LRTM1: variants seen among roughly 807,000 people sequenced by gnomAD.
LRTM1 encodes the protein leucine rich repeat transmembrane protein 1, also known as leucine-rich repeat and transmembrane domain-containing protein 1.
A neutral mutation model predicts 32.4 loss-of-function variants in LRTM1; 38 were observed. The observed-to-expected ratio is 1.17, with a 90% confidence interval of 0.91 to 1.54. LRTM1 has a LOEUF of 1.54. LRTM1 is among the 40% of genes most tolerant of loss of function. LRTM1 has a pLI of 0.00. For missense variants in LRTM1, 466 were observed against 415.4 expected (o/e 1.12, Z -1.06); for synonymous variants, 186 against 169.9 (o/e 1.09, Z -0.74).
chr3:54,948,515 A>T (rs1701672892), intron 1 of LRTM1, among the ~76,000 whole-genome samples: 1 of 151,332 alleles, frequency 6.6e-6, no homozygotes, highest in South Asian at 2.1e-4. Flanking sequence ...ATCTTCCTGC[A>T]GTGGTTTCAC....
chr3:54,965,628 C>A (rs1702130485), intron 1 of LRTM1, among the ~76,000 whole-genome samples: 1 of 152,104 alleles, frequency 6.6e-6, no homozygotes, highest in Non-Finnish European at 1.5e-5. Flanking sequence ...TGAAGTTGAT[C>A]CATCAATGAA....
intron 2 of LRTM1, among the ~76,000 whole-genome samples, chr3:54,924,229 A>G (rs1185491617): frequency 6.6e-6 from 1 of 152,208 alleles, no homozygotes; most frequent in African/African-American, 2.4e-5. Flanking sequence ...AGAGAAAAAT[A>G]TCCCAGAGAG....
chr3:54,944,187 A>T (rs1480784976), intron 1 of LRTM1, among the ~76,000 whole-genome samples: 1 of 152,094 alleles, frequency 6.6e-6, no homozygotes, highest in East Asian at 1.9e-4. Context: ...TTATGCCAGG[A>T]TGCTGTGAGT....
Position 54,927,904 on chromosome 3 carries a change from C to G in LRTM1, c.7+1G>C. 1 of 1,613,726 alleles carries G rather than the reference C, an allele frequency of 6.2e-7. No individual in the cohort carries two copies. The highest frequency in any genetic ancestry group is 1.1e-5 in the South Asian group (1 of 91,056). On this transcript the variant is annotated splice_donor_variant, in intron 1 of 2. Coordinates refer to ENST00000273286, the MANE Select transcript of LRTM1 (RefSeq NM_020678.4). LOFTEE classifies it high-confidence loss of function. Reference sequence around the variant, plus strand: ...TCCAACGGGAATTGATCAGGGCTCACCTTTCATGACTGAGTCTCCTTGGGC... The same window carrying G: ...TCCAACGGGAATTGATCAGGGCTCAGCTTTCATGACTGAGTCTCCTTGGGC...
At chr3:54,923,582 T>C (rs1046390286) in intron 2 of LRTM1, among the ~76,000 whole-genome samples, 1 of 152,244 alleles carries the variant, frequency 6.6e-6, no homozygotes, top group Non-Finnish European at 1.5e-5. Context: ...CATCTGTTTC[T>C]ACTACCAGAA....
intron 1 of LRTM1, among the ~76,000 whole-genome samples, chr3:54,949,123 G>T (rs1020947854): frequency 6.6e-6 from 1 of 152,190 alleles, no homozygotes; most frequent in Admixed American, 6.5e-5. Context: ...TCAGTGGAAA[G>T]AAACCCCCTC....
chr3:54,945,969 A>G (rs1191107057), intron 1 of LRTM1, among the ~76,000 whole-genome samples: 1 of 152,198 alleles, frequency 6.6e-6, no homozygotes, highest in Non-Finnish European at 1.5e-5. Context: ...TCTTCACAAG[A>G]GTTCTTTGCC....
intron 1 of LRTM1, among the ~76,000 whole-genome samples, chr3:54,939,827 A>G (rs907405209): frequency 6.6e-6 from 1 of 152,190 alleles, no homozygotes; most frequent in Admixed American, 6.5e-5. Flanking sequence ...TTCGGCCCAC[A>G]TGATTGTTTG....
At chr3:54,918,987 T>C in intron 2 of LRTM1, 95 bp from the exon 3 acceptor site, 1 of 989,888 alleles carries the variant, frequency 1.0e-6, no homozygotes, top group Non-Finnish European at 1.4e-6. Context: ...ATGGAATTTA[T>C]GAAGTACCTT....
chr3:54,958,717 A>T lies in LRTM1; in HGVS notation c.-222+8211T>A, dbSNP rs115478195. Reference sequence around the variant, plus strand: ...GGATACAAACTGTCTCAATTCTCTCAGGGCTAAGTATGCAACAGAGATCAC... The same window carrying T: ...GGATACAAACTGTCTCAATTCTCTCTGGGCTAAGTATGCAACAGAGATCAC... On this transcript the variant is annotated intron_variant, in intron 1 of 2. Transcript: ENST00000493075. Among the ~76,000 whole-genome samples, 1,334 of 152,300 alleles carry T rather than the reference A, an allele frequency of 8.8e-3. 14 individuals carry two copies. The highest frequency in any genetic ancestry group is 0.014 in the Non-Finnish European group (961 of 68,024).
chr3:54,947,633 T>G (rs1265924766), intron 1 of LRTM1, among the ~76,000 whole-genome samples: 1 of 152,106 alleles, frequency 6.6e-6, no homozygotes, highest in African/African-American at 2.4e-5. Flanking sequence ...AGTGGAGACT[T>G]AGTAGCAGGC....
At chr3:54,963,847 G>GGAGGAAGGGAGGGTAAAAGTAGA (rs1288878719) in intron 1 of LRTM1, among the ~76,000 whole-genome samples, 1 of 152,172 alleles carries the variant, frequency 6.6e-6, no homozygotes, top group African/African-American at 2.4e-5. Context: ...AGAAAGGAAT[G>GGAGGAAGGGAGGGTAAAAGTAGA]GAGGAAGGGA....
rs776613792 is a variant in LRTM1, at chr3:54,925,048, C to T, written c.175G>A (p.Asp59Asn). The change falls in exon 2 of 3, where the codon GAT (aspartate) becomes AAT (asparagine). Residue 59 changes from aspartate to asparagine, a missense_variant. By Grantham distance (23) the Asp-to-Asn change is conservative (BLOSUM62 1). Coordinates refer to ENST00000273286, the MANE Select transcript of LRTM1 (RefSeq NM_020678.4). ...GCAGGAAGATGGTGTATCTGATTAT[C>T]TTGTAAATGCAGCGTTCGAGTCTGA... The part of the protein sequence containing the change: ...PPQTRTLHLQ[D>N]NQIHHLPAFA... The T allele has an allele frequency of 4.3e-6, 7 of 1,614,112 alleles. No homozygotes were observed. The highest frequency in any genetic ancestry group is 5.9e-6 in the Non-Finnish European group (7 of 1,180,008).
Position 54,924,810 on chromosome 3 carries a change from G to A in LRTM1, c.413C>T (p.Pro138Leu), listed in dbSNP as rs147133918. Reference protein sequence around the residue: ...DLSSNNISHLPTSLGETWENL... With the variant: ...DLSSNNISHLLTSLGETWENL... ...CTCCCAAGTCTCTCCCAAGGATGTG[G>A]GAAGGTGGCTTATGTTGTTTGATGA... Residue 138 changes from proline (P) to leucine (L), a missense_variant, in exon 2 of 3, where the codon CCC (proline) becomes CTC (leucine). Coordinates refer to ENST00000273286, the MANE Select transcript of LRTM1 (RefSeq NM_020678.4). 7 of 1,613,988 alleles carry A rather than the reference G, an allele frequency of 4.3e-6. No individual in the cohort carries two copies. The African/African-American group carries it at 9.3e-5, about 22-fold the overall frequency.
intron 2 of LRTM1, among the ~76,000 whole-genome samples, chr3:54,922,797 C>T (rs140874308): frequency 0.014 from 2,101 of 152,074 alleles, 51 homozygotes; most frequent in African/African-American, 0.047. Context: ...CCTAATTGAC[C>T]ACCTCCCCAA....
At chr3:54,925,814 G>A (rs1377488409) in intron 1 of LRTM1, among the ~76,000 whole-genome samples, 4 of 152,140 alleles carry the variant, frequency 2.6e-5, no homozygotes, top group Admixed American at 1.3e-4. Context: ...GCCACATGTG[G>A]CTAATGGTTA....
At chr3:54,940,460 C>T (rs187820454) in intron 1 of LRTM1, among the ~76,000 whole-genome samples, 2 of 152,240 alleles carry the variant, frequency 1.3e-5, no homozygotes, top group East Asian at 3.9e-4. Context: ...TAAGCTCCAC[C>T]AACATTTCAG....
intron 1 of LRTM1, among the ~76,000 whole-genome samples, chr3:54,959,774 T>G (rs1490650640): frequency 6.6e-6 from 1 of 152,194 alleles, no homozygotes; most frequent in Non-Finnish European, 1.5e-5. Context: ...TTGAAAACTT[T>G]ATTGAAATAA....
At chr3:54,953,734 G>A (rs1351360062) in intron 1 of LRTM1, among the ~76,000 whole-genome samples, 3 of 152,200 alleles carry the variant, frequency 2.0e-5, no homozygotes, top group Admixed American at 6.5e-5. Context: ...GGGCAACCTC[G>A]GGCTCCTGCC....
Sources: allele counts gnomAD v4.1 joint callset (sites outside exome capture counted in the v4.1 genomes callset), GRCh38; gene constraint gnomAD v4.1.1; transcripts MANE v1.5; gene names NCBI Gene and HGNC (gene_info 2026-07-23, HGNC 2026-07-21).